The following C4orf50 variants were observed in gnomAD, a reference collection of about 807,000 sequenced individuals.
The protein encoded by C4orf50 is uncharacterized protein C4orf50.
In C4orf50, 80 loss-of-function variants were observed where a neutral mutation model predicts 77.2. The ratio of observed to expected loss-of-function variants is 1.04; its 90% confidence interval spans 0.87 to 1.25. The LOEUF is 1.25. Among genes scored for constraint, C4orf50 ranks in the 50% most tolerant of loss-of-function variants. C4orf50 has a pLI of 0.00. For missense variants in C4orf50, 1,257 were observed against 1,152.9 expected (o/e 1.09, Z -1.31); for synonymous variants, 532 against 465.3 (o/e 1.14, Z -1.84).
chr4:5,936,668 T>G (rs958877206), intron 7 of C4orf50, among the ~76,000 whole-genome samples: 1 of 149,566 alleles, frequency 6.7e-6, no homozygotes, highest in African/African-American at 2.5e-5. Context: ...AAACTTAACA[T>G]GAGTTTCAGA....
chr4:5,928,379 T>TACACAC lies in C4orf50; in HGVS notation c.*2474+28516_*2474+28521dup, dbSNP rs765175509. On this transcript the variant is annotated intron_variant, in intron 7 of 7. Transcript: ENST00000324058. Reference sequence around the variant, plus strand: ...ACACACACATACACACACACACACATACACACACACACACACACACCCTGA... The same window carrying TACACAC: ...ACACACACATACACACACACACACATACACACACACACACACACACACACACCCTGA... Among the ~76,000 whole-genome samples the TACACAC allele has an allele frequency of 8.8e-3, 845 of 95,956 alleles. 12 individuals carry two copies. The highest frequency in any genetic ancestry group is 0.021 in the African/African-American group (750 of 35,490). The allele number at this position is 95,956 out of a possible 152,430, so 63.0% of individuals were successfully genotyped here. A position where few individuals can be genotyped will look rare whatever the true frequency, so the allele number is the denominator to read the frequency against.
chr4:5,944,252 G>C (rs1244012330), intron 7 of C4orf50, among the ~76,000 whole-genome samples: 1 of 152,132 alleles, frequency 6.6e-6, no homozygotes, highest in East Asian at 1.9e-4. Context: ...GGCTTTCCCT[G>C]GGGAATTCCT....
intron 7 of C4orf50, among the ~76,000 whole-genome samples, chr4:5,951,510 CAG>C (rs770293623): frequency 6.4e-4 from 97 of 152,156 alleles, no homozygotes; most frequent in Non-Finnish European, 1.2e-3. Context: ...AACCAACACT[CAG>C]AGAATAACCT....
chr4:5,923,117 G>C (rs1028887763), intron 7 of C4orf50, among the ~76,000 whole-genome samples: 4 of 152,150 alleles, frequency 2.6e-5, no homozygotes, highest in Non-Finnish European at 5.9e-5. Flanking sequence ...GAGGGAAAGG[G>C]ACCTGACATT....
intron 7 of C4orf50, among the ~76,000 whole-genome samples, chr4:5,951,277 T>C (rs146878294): frequency 6.6e-6 from 1 of 152,196 alleles, no homozygotes; most frequent in African/African-American, 2.4e-5. Flanking sequence ...TAGTGTGAAA[T>C]AGCTAAACCA....
intron 7 of C4orf50, among the ~76,000 whole-genome samples, chr4:5,930,979 G>A (rs1251778178): frequency 1.3e-5 from 2 of 152,288 alleles, no homozygotes; most frequent in South Asian, 2.1e-4. Context: ...GTGCACAAAC[G>A]CCTCGTGCAT....
Position 5,988,272 on chromosome 4 carries a change from T to C in C4orf50, c.3699+75A>G, listed in dbSNP as rs1007006115. On this transcript the variant is annotated intron_variant, in intron 28 of 33. Coordinates refer to ENST00000531445, the Ensembl canonical transcript of C4orf50. The stretch of plus-strand genomic sequence containing the variant: ...ACCTCCCTCACAGGACTCTGGTGAA[T>C]TGCATAAGTGAATGGGGTGGCCCCC... The C allele has an allele frequency of 2.8e-5, 43 of 1,546,190 alleles. No individual in the cohort carries two copies. The African/African-American group carries it at 3.4e-4, about 12-fold the overall frequency.
chr4:6,005,244 G>T (rs1484950734), intron 25 of C4orf50, among the ~76,000 whole-genome samples: 2 of 152,192 alleles, frequency 1.3e-5, no homozygotes, highest in Non-Finnish European at 2.9e-5. Context: ...AGAGACCGAG[G>T]CAGAAGTGGC....
intron 7 of C4orf50, among the ~76,000 whole-genome samples, chr4:5,937,456 T>C (rs1267231027): frequency 1.3e-5 from 2 of 152,082 alleles, no homozygotes; most frequent in Non-Finnish European, 2.9e-5. Context: ...ATCAGTTTCA[T>C]ACAAAGCAAG....
intron 7 of C4orf50, among the ~76,000 whole-genome samples, chr4:5,947,515 A>G (rs1357931878): frequency 6.6e-6 from 1 of 152,232 alleles, no homozygotes; most frequent in Non-Finnish European, 1.5e-5. Flanking sequence ...CGACCTGTCC[A>G]TGCAGCCACG....
chr4:5,968,718 C>T (rs895870073), intron 31 of C4orf50, among the ~76,000 whole-genome samples: 2 of 152,188 alleles, frequency 1.3e-5, no homozygotes, highest in East Asian at 3.8e-4. Context: ...TGCTTATTTC[C>T]AGTGCTTTGA....
In C4orf50 at chr4:5,905,815, G is replaced by C. The variant is rs1716524779; in HGVS notation, c.*2475-7627C>G. ...AAGAAGGTTGAGAACAACTGAAGAA[G>C]AAAGACAAACTGGGGTGCTCTGGGA... is the stretch of plus-strand genomic sequence containing the variant. On this transcript the variant is annotated intron_variant, in intron 7 of 7. Transcript: ENST00000324058. This position sits in a 1 kb window ranked among gnomAD's most constrained non-coding sequence, Gnocchi z 5.4. Among the ~76,000 whole-genome samples the C allele has an allele frequency of 6.6e-6, 1 of 151,262 alleles. No individual in the cohort carries two copies. The highest frequency in any genetic ancestry group is 1.9e-4 in the East Asian group (1 of 5,174).
At chr4:5,917,626 A>C (rs1247317002) in intron 7 of C4orf50, among the ~76,000 whole-genome samples, 1 of 151,748 alleles carries the variant, frequency 6.6e-6, no homozygotes, top group Non-Finnish European at 1.5e-5. Context: ...GTTGGCCAGG[A>C]TGGTCTCGAT....
At chr4:5,928,850 A>G (rs1235455203) in intron 7 of C4orf50, among the ~76,000 whole-genome samples, 1 of 152,230 alleles carries the variant, frequency 6.6e-6, no homozygotes, top group Non-Finnish European at 1.5e-5. Context: ...GATAAAAACA[A>G]AAAATAAGTC....
intron 7 of C4orf50, among the ~76,000 whole-genome samples, chr4:5,921,514 A>T (rs946507473): frequency 2.0e-5 from 3 of 152,176 alleles, no homozygotes; most frequent in Non-Finnish European, 4.4e-5. Flanking sequence ...GCAAAGTTAG[A>T]GTTGGCTTCC....
Position 6,015,555 on chromosome 4 carries a change from T to C in C4orf50, c.287+2590A>G, listed in dbSNP as rs887636297. ...TTCCCAGCCAGGGCCACTGTCTATG[T>C]GGAGTTTGCCCATTCTCCCCATGTC... On this transcript the variant is annotated intron_variant, in intron 23 of 33. Transcript: ENST00000531445. This position sits in a 1 kb window ranked among gnomAD's most constrained non-coding sequence, Gnocchi z 4.4. Among the ~76,000 whole-genome samples, 1 of 152,032 alleles carries C rather than the reference T, an allele frequency of 6.6e-6. No individual in the cohort carries two copies. The highest frequency in any genetic ancestry group is 1.5e-5 in the Non-Finnish European group (1 of 68,010).
intron 7 of C4orf50, among the ~76,000 whole-genome samples, chr4:5,927,224 C>G (rs1257763023): frequency 6.6e-6 from 1 of 152,068 alleles, no homozygotes; most frequent in African/African-American, 2.4e-5. Context: ...GGCTCAGAAG[C>G]AGGTCTTATG....
At chr4:5,987,852 C>T (rs4324503) in intron 28 of C4orf50, among the ~76,000 whole-genome samples, 3 of 151,938 alleles carry the variant, frequency 2.0e-5, no homozygotes, top group Admixed American at 6.6e-5. Context: ...GTGACTCAAG[C>T]GAAGTCTGCA....
chr4:5,965,715 G>A (rs28667586), intron 32 of C4orf50, among the ~76,000 whole-genome samples: 2,072 of 152,278 alleles, frequency 0.014, 62 homozygotes, highest in African/African-American at 0.047. Context: ...GGCAGAGAAG[G>A]ACAGGCCCAT....
Sources: allele counts gnomAD v4.1 joint callset (sites outside exome capture counted in the v4.1 genomes callset), GRCh38; gene constraint gnomAD v4.1.1; non-coding constraint Gnocchi (gnomAD v3.1); transcripts MANE v1.5; gene names NCBI Gene and HGNC (gene_info 2026-07-23, HGNC 2026-07-21).